LGALS8: variants seen among roughly 807,000 people sequenced by gnomAD.
LGALS8 encodes galectin 8, also known as galectin-8.
Under a neutral mutation model 35.9 loss-of-function variants are expected in LGALS8, and 30 were observed. The ratio of observed to expected loss-of-function variants is 0.83; its 90% CI spans 0.62 to 1.13. LGALS8 has a LOEUF of 1.13. Among genes scored for constraint, LGALS8 ranks in the 50% most tolerant of loss-of-function variants. LGALS8 has a pLI of 0.00. For synonymous variants in LGALS8, 138 were observed against 136.1 expected, an observed-to-expected ratio of 1.01 and a Z score of -0.10; for missense variants, 366 against 388.7, an observed-to-expected ratio of 0.94 and a Z score of 0.49.
At chr1:236,524,100 T>C (rs1453923736) in intron 1 of LGALS8, 39 bp downstream of exon 1, 1 of 456,168 alleles carries the variant, frequency 2.2e-6, no homozygotes, top group Non-Finnish European at 4.4e-6. Context: ...GGCGGGGCAG[T>C]CGCTAGAGGC....
rs74456229 is a variant in LGALS8, at chr1:236,544,539, T to G, written c.639-211T>G. ...AACGCTGATTTTAAAGGGTTTTTTT[T>G]TTCGTATTTTTATTTTGCAAGTAAC... is the stretch of plus-strand genomic sequence containing the variant. On this transcript the variant is annotated intron_variant, in intron 8 of 9. Coordinates refer to ENST00000366584, the MANE Select transcript of LGALS8 (RefSeq NM_201544.4). 3.3e-3 allele frequency among the ~76,000 whole-genome samples: 503 copies of G among 152,252 alleles called. 22 individuals are homozygous for G. In the East Asian group the frequency reaches 0.074, roughly 22 times the overall value.
upstream of LGALS8, among the ~76,000 whole-genome samples, chr1:236,521,823 A>G (rs1307305349): frequency 2.4e-5 from 3 of 126,712 alleles, no homozygotes; most frequent in Non-Finnish European, 3.3e-5. Context: ...ACAGAGTGAG[A>G]CTGCCTCAAA....
At chr1:236,538,743 A>G in intron 3 of LGALS8, 136 bp from the exon 4 acceptor site, 1 of 660,434 alleles carries the variant, frequency 1.5e-6, no homozygotes, top group South Asian at 1.8e-5. Flanking sequence ...TCAGCTCTTT[A>G]GGCCTCATAG....
intron 2 of LGALS8, among the ~76,000 whole-genome samples, chr1:236,528,412 C>T (rs1179232154): frequency 6.7e-6 from 1 of 149,544 alleles, no homozygotes; most frequent in Non-Finnish European, 1.5e-5. Context: ...ACACACAAAA[C>T]CTGTTTTCTT....
chr1:236,541,850 C>T (rs1224989327), intron 6 of LGALS8, 140 bp downstream of exon 6: 1 of 554,574 alleles, frequency 1.8e-6, no homozygotes, highest in East Asian at 3.2e-5. Flanking sequence ...GAGATACATA[C>T]TTGTGGTGCC....
In LGALS8 at chr1:236,544,788, T is replaced by C. The variant is rs200780874; in HGVS notation, c.677T>C (p.Ile226Thr). 4.4e-5 allele frequency: 71 copies of C among 1,613,104 alleles called. No individual in the cohort carries two copies. The highest frequency in any genetic ancestry group is 3.7e-4 in the Admixed American group (22 of 59,880). Residue 226 changes from isoleucine to threonine, a missense_variant, in exon 9 of 10, where the codon ATT (isoleucine) becomes ACT (threonine). By Grantham distance (89) the Ile-to-Thr change is moderately conservative. Transcript: ENST00000366584. Reference protein sequence around the residue: ...VDLLAGKSKDIALHLNPRLNI... With the variant: ...VDLLAGKSKDTALHLNPRLNI... ...CTACTAGCAGGAAAATCAAAGGATA[T>C]TGCTCTACACTTGAACCCACGCCTG...
intron 4 of LGALS8, chr1:236,540,291 C>T (rs952721010): frequency 4.0e-5 from 13 of 323,026 alleles, no homozygotes; most frequent in Middle Eastern, 1.6e-3. Flanking sequence ...TATGCAGAGG[C>T]GCACACAAGC....
At chr1:236,544,333 T>C (rs1662223896) in intron 8 of LGALS8, among the ~76,000 whole-genome samples, 1 of 152,310 alleles carries the variant, frequency 6.6e-6, no homozygotes, top group Non-Finnish European at 1.5e-5. Flanking sequence ...ACGTCCAGCC[T>C]TCTGAAAGCT....
chr1:236,541,824 T>C (rs1662016084), intron 6 of LGALS8, 114 bp downstream of exon 6: 1 of 573,198 alleles, frequency 1.7e-6, no homozygotes, highest in Admixed American at 3.7e-5. Flanking sequence ...AGAACGCAAG[T>C]AATCACTTGA....
Position 236,543,208 on chromosome 1 carries a change from G to A in LGALS8, c.550-352G>A, listed in dbSNP as rs1662129731. 3.8e-5 allele frequency: 25 copies of A among 659,086 alleles called. No individual in the cohort carries two copies. The East Asian group carries it at 6.2e-4, about 16-fold the overall frequency. 40.8% of individuals were successfully genotyped at this position (659,086 alleles called of 1,614,324 possible). A position where few individuals can be genotyped will look rare whatever the true frequency, so the allele number is the denominator to read the frequency against. Reference sequence around the variant, plus strand: ...CCAGGCCTGCCTCTGAGCCATTCCTGTGTATTTCCTCAGCACCTCCCTGCT... The same window carrying A: ...CCAGGCCTGCCTCTGAGCCATTCCTATGTATTTCCTCAGCACCTCCCTGCT... On this transcript the variant is annotated intron_variant, in intron 7 of 9. Transcript: ENST00000366584.
chr1:236,524,284 G>C (rs1373943583), intron 1 of LGALS8: 2 of 456,562 alleles, frequency 4.4e-6, no homozygotes, highest in South Asian at 3.1e-5. Flanking sequence ...GCGCTCCGGG[G>C]CATAAGGGAT....
chr1:236,522,555 TG>T (rs1434348303), upstream of LGALS8, among the ~76,000 whole-genome samples: 11 of 152,184 alleles, frequency 7.2e-5, no homozygotes, highest in South Asian at 1.7e-3. Flanking sequence ...GTGGCGGGGC[TG>T]GGGGGAGACT....
At chr1:236,524,351 T>A (rs748013357) in intron 1 of LGALS8, 4 of 456,740 alleles carry the variant, frequency 8.8e-6, no homozygotes, top group Non-Finnish European at 1.8e-5. Context: ...CTGTTTGCCC[T>A]GGGGTGTCTC....
chr1:236,520,977 C>G (rs1660532655), upstream of LGALS8, among the ~76,000 whole-genome samples: 1 of 152,236 alleles, frequency 6.6e-6, no homozygotes, highest in Admixed American at 6.5e-5. Flanking sequence ...TAAACTTTGA[C>G]TCCTCTGAGA....
At position 236,541,788 on chromosome 1, in the gene LGALS8, G is replaced by A. The variant is rs548530965; in HGVS notation, c.522+78G>A. 5.0e-5 allele frequency: 37 copies of A among 735,480 alleles called. 1 individual carries two copies. In the East Asian group the frequency reaches 1.1e-3, roughly 22 times the overall value. 45.6% of individuals were successfully genotyped at this position (735,480 alleles called of 1,614,324 possible). A position where few individuals can be genotyped will look rare whatever the true frequency, so the allele number is the denominator to read the frequency against. On this transcript the variant is annotated intron_variant, in intron 6 of 9. Coordinates refer to ENST00000366584, the MANE Select transcript of LGALS8 (RefSeq NM_201544.4). The stretch of plus-strand genomic sequence containing the variant: ...GCCATGTTAATGAAATGGCAAGAAG[G>A]CTGGGTTTTTGAAAATTATGCTTTT...
intron 2 of LGALS8, among the ~76,000 whole-genome samples, chr1:236,533,339 C>CTTTTTTTT (rs139389436): frequency 6.7e-6 from 1 of 148,982 alleles, no homozygotes; most frequent in Non-Finnish European, 1.5e-5. Context: ...CTCCCCCACC[C>CTTTTTTTT]TTTTTTTTTT....
rs570668210 is a variant in LGALS8 at position 236,542,668 on chromosome 1, G to T, written c.523-93G>T. 3.2e-4 allele frequency: 438 copies of T among 1,369,340 alleles called. 6 individuals are homozygous for T. The South Asian group carries it at 4.6e-3, about 14-fold the overall frequency. 84.8% of individuals were successfully genotyped at this position (1,369,340 alleles called of 1,614,324 possible). A position where few individuals can be genotyped will look rare whatever the true frequency, so the allele number is the denominator to read the frequency against. ...GTGGAGCAGGAACATCCCAGGCTCC[G>T]GCCAGGCTCAGCTCAGCACAACCAA... is the stretch of plus-strand genomic sequence containing the variant. On this transcript the variant is annotated intron_variant, in intron 6 of 9. Transcript: ENST00000366584.
chr1:236,530,226 T>A (rs967561465), intron 2 of LGALS8, among the ~76,000 whole-genome samples: 8 of 152,234 alleles, frequency 5.3e-5, no homozygotes, highest in African/African-American at 1.4e-4. Flanking sequence ...CTTAGGAACC[T>A]TGCTTCCATG....
intron 2 of LGALS8, among the ~76,000 whole-genome samples, chr1:236,528,404 A>C (rs1356484073): frequency 1.3e-5 from 2 of 148,738 alleles, no homozygotes; most frequent in African/African-American, 4.9e-5. Flanking sequence ...ACCCCCCCAC[A>C]CACAAAACCT....
Sources: gnomAD v4.1 joint callset for allele counts (sites outside exome capture counted in the v4.1 genomes callset) on GRCh38, gnomAD v4.1.1 for gene constraint, MANE v1.5 for transcripts, NCBI Gene and HGNC (gene_info 2026-07-23, HGNC 2026-07-21) for gene names.